Variants in GABRR2 observed in about 807,000 individuals in gnomAD.
GABRR2 encodes gamma-aminobutyric acid type A receptor subunit rho2.
In GABRR2, 36 loss-of-function variants were observed where a neutral mutation model predicts 47.0. That is an observed-to-expected ratio of 0.77 (90% CI 0.59 to 1.01). The LOEUF (loss-of-function observed/expected upper bound fraction) is 1.01, where lower values mean the gene tolerates loss of function less well. GABRR2 is among the 50% of genes least tolerant of loss of function. GABRR2 has a pLI of 0.00. For missense variants in GABRR2, 587 were observed against 594.6 expected (o/e 0.99, Z 0.13); for synonymous variants, 204 against 227.5 (o/e 0.90, Z 0.93).
At chr6:89,284,116 CA>C (rs1158967421) in intron 2 of GABRR2, among the ~76,000 whole-genome samples, 1 of 152,020 alleles carries the variant, frequency 6.6e-6, no homozygotes, top group African/African-American at 2.4e-5. Flanking sequence ...CAAGAGTAAG[CA>C]AAACTAGTCC....
Position 89,311,327 on chromosome 6 carries a change from C to T in GABRR2, c.113+3726G>A, listed in dbSNP as rs142108764. 8.0e-3 allele frequency among the ~76,000 whole-genome samples: 1,224 copies of T among 152,258 alleles called. 20 individuals carry two copies. The highest frequency in any genetic ancestry group is 0.028 in the African/African-American group (1,159 of 41,538). On this transcript the variant is annotated intron_variant, in intron 1 of 8. Coordinates refer to ENST00000402938, the MANE Select transcript of GABRR2 (RefSeq NM_002043.5). ...CCATTTAGGAAAAGGCTTAGGAGAG[C>T]GGAAGTCCCAGAATGCCACCCACCC...
Position 89,256,862 on chromosome 6 carries a change from TGAAAGTTCTG to T in GABRR2, c.*798_*807del, listed in dbSNP as rs1450115745. Among the ~76,000 whole-genome samples, 2 of 152,148 alleles carry T rather than the reference TGAAAGTTCTG, an allele frequency of 1.3e-5. No homozygotes were observed. The highest frequency in any genetic ancestry group is 4.8e-5 in the African/African-American group (2 of 41,418). ...TGTAACTTCACTGGAGGAGGATAGTTGAAAGTTCTGGACCTGGCCTCTCCTGGACCCTGCC... is the reference window on the plus strand; with the variant it reads ...TGTAACTTCACTGGAGGAGGATAGTTGACCTGGCCTCTCCTGGACCCTGCC... On this transcript the variant is annotated 3_prime_UTR_variant, in exon 9 of 9. Transcript: ENST00000402938.
intron 8 of GABRR2, among the ~76,000 whole-genome samples, chr6:89,260,155 C>T (rs770300292): frequency 3.3e-5 from 5 of 152,130 alleles, no homozygotes; most frequent in Non-Finnish European, 5.9e-5. Context: ...GATCCACCTG[C>T]CTTGGCTTCC....
intron 2 of GABRR2, among the ~76,000 whole-genome samples, chr6:89,275,350 T>C (rs1345090260): frequency 6.6e-6 from 1 of 152,190 alleles, no homozygotes; most frequent in Non-Finnish European, 1.5e-5. Flanking sequence ...CTCGGCTCAC[T>C]GCAACCTCTA....
intron 2 of GABRR2, among the ~76,000 whole-genome samples, chr6:89,281,213 C>T (rs971071292): frequency 2.6e-5 from 4 of 152,154 alleles, no homozygotes; most frequent in African/African-American, 4.8e-5. Flanking sequence ...ATGCATAGGC[C>T]GCAGTTCCTT....
intron 2 of GABRR2, among the ~76,000 whole-genome samples, chr6:89,276,956 A>G (rs1471236418): frequency 6.6e-6 from 1 of 152,346 alleles, no homozygotes; most frequent in African/African-American, 2.4e-5. Flanking sequence ...AAACTATGAA[A>G]CATTATTGAG....
At chr6:89,296,743 C>T (rs1002185987) in intron 2 of GABRR2, among the ~76,000 whole-genome samples, 7 of 152,204 alleles carry the variant, frequency 4.6e-5, no homozygotes, top group African/African-American at 1.4e-4. Context: ...GAAGGAGCAG[C>T]GTGATGGGGA....
At chr6:89,310,608 T>C (rs1395661483) in intron 1 of GABRR2, among the ~76,000 whole-genome samples, 1 of 152,162 alleles carries the variant, frequency 6.6e-6, no homozygotes, top group African/African-American at 2.4e-5. Flanking sequence ...TTATATCTGA[T>C]TCCTAACTCA....
chr6:89,264,618 C>A lies in GABRR2; in HGVS notation c.890-10G>T, dbSNP rs2127828313. 6.2e-7 allele frequency: 1 copy of A among 1,613,740 alleles called. No individual in the cohort carries two copies. The highest frequency in any genetic ancestry group is 1.1e-5 in the South Asian group (1 of 91,050). ...AGCACCGTCGTGATACCTGCAACAC[C>A]CGGCCTTAGTTGGGCTGCTGACAGC... On this transcript the variant is annotated splice_polypyrimidine_tract_variant and intron_variant, in intron 7 of 8. Transcript: ENST00000402938.
At chr6:89,270,307 T>A (rs1278740534) in intron 3 of GABRR2, 1 of 152,244 alleles carries the variant, frequency 6.6e-6, no homozygotes, top group Admixed American at 6.5e-5. Context: ...CTACCTTGGA[T>A]GTTACCTACC....
In GABRR2 at chr6:89,268,018, C is replaced by T. The variant is rs764842002; in HGVS notation, c.591G>A (p.Glu197=). ...LDSQTCSLEL[E]SYAYTDEDLM... ...ATTAGGAATGCTGATACTTACAGCT[C>T]TCCAGCTCCAAAGAACAGGTCTGGG... The change falls in exon 5 of 9, where the codon GAG becomes GAA. Residue 197 remains glutamate (E), a synonymous_variant. Coordinates refer to ENST00000402938, the MANE Select transcript of GABRR2 (RefSeq NM_002043.5). The T allele has an allele frequency of 1.2e-6, 2 of 1,610,978 alleles. No individual in the cohort carries two copies. The highest frequency in any genetic ancestry group is 1.7e-6 in the Non-Finnish European group (2 of 1,178,154).
chr6:89,274,939 T>A, intron 2 of GABRR2, among the ~76,000 whole-genome samples: 1 of 152,124 alleles, frequency 6.6e-6, no homozygotes, highest in East Asian at 1.9e-4. Flanking sequence ...GGATTTCTCT[T>A]CTCTGGTGAG....
At chr6:89,288,428 A>T (rs1774370758) in intron 2 of GABRR2, among the ~76,000 whole-genome samples, 1 of 152,070 alleles carries the variant, frequency 6.6e-6, no homozygotes, top group South Asian at 2.1e-4. Flanking sequence ...GGCACCAGAC[A>T]CAAGCATGAA....
At position 89,303,625 on chromosome 6, in the gene GABRR2, T is replaced by C. The variant is rs373704811; in HGVS notation, c.114-3760A>G. Among the ~76,000 whole-genome samples the C allele has an allele frequency of 5.5e-5, 3 of 54,446 alleles. No individual in the cohort carries two copies. The East Asian group carries it at 1.3e-3, about 23-fold the overall frequency. The allele number at this position is 54,446 out of a possible 152,430, so 35.7% of individuals were successfully genotyped here. On this transcript the variant is annotated intron_variant, in intron 1 of 8. Coordinates refer to ENST00000402938, the MANE Select transcript of GABRR2 (RefSeq NM_002043.5). ...TCTGGAATCAAAAAAAGACCCCAAA[T>C]AGCCAAAGCAATCTTAAGGAGGAAA...
chr6:89,269,045 C>A lies in GABRR2; in HGVS notation c.478G>T (p.Val160Leu), dbSNP rs758697296. Residue 160 changes from valine (V) to leucine (L), a missense_variant, in exon 4 of 9, where the codon GTG (valine) becomes TTG (leucine). Coordinates refer to ENST00000402938, the MANE Select transcript of GABRR2 (RefSeq NM_002043.5). ...TACAGCACGTGTCCATCTGGGAACA[C>A]CCTCAGCATGATGTTGTCAGTGGTG... ...DTTTDNIMLR[V>L]FPDGHVLYSM... The A allele has an allele frequency of 6.2e-6, 10 of 1,613,882 alleles. No individual in the cohort carries two copies. The African/African-American group carries it at 1.3e-4, about 22-fold the overall frequency.
chr6:89,267,715 G>A lies in GABRR2; in HGVS notation c.700C>T (p.His234Tyr). 3 of 1,613,884 alleles carry A rather than the reference G, an allele frequency of 1.9e-6. No homozygotes were observed. Among genetic ancestry groups the A allele is most frequent in the Non-Finnish European group, 2.5e-6 (3 of 1,179,848 alleles). ...TAGAAGGCCAGCCTGGAAGTTGTGT[G>A]AAATTTCTGAATCAGAAACTGAGAC... ...SLSQFLIQKF[H>Y]TTSRLAFYSS... is the part of the protein sequence containing the mutation. The change falls in exon 6 of 9, where the codon CAC becomes TAC. Residue 234 changes from histidine to tyrosine, a missense_variant. By Grantham distance (83) the His-to-Tyr change is moderately conservative. Coordinates refer to ENST00000402938, the MANE Select transcript of GABRR2 (RefSeq NM_002043.5).
intron 2 of GABRR2, among the ~76,000 whole-genome samples, chr6:89,288,144 G>A (rs545247508): frequency 6.6e-6 from 1 of 152,262 alleles, no homozygotes; most frequent in East Asian, 1.9e-4. Flanking sequence ...TCAATGAACA[G>A]AATTCAACAG....
chr6:89,258,541 A>T (rs1202423077), intron 8 of GABRR2, among the ~76,000 whole-genome samples: 8 of 69,526 alleles, frequency 1.2e-4, no homozygotes, highest in African/African-American at 4.6e-4. Flanking sequence ...CTCCTTCTCT[A>T]AAAAAAAAAA....
chr6:89,258,057 A>G, intron 8 of GABRR2, 76 bp from the exon 9 acceptor site: 1 of 1,343,648 alleles, frequency 7.4e-7, no homozygotes, highest in Non-Finnish European at 1.0e-6. Flanking sequence ...CCAAGAGCAA[A>G]GCCACATTGC....
Sources: allele counts gnomAD v4.1 joint callset (sites outside exome capture counted in the v4.1 genomes callset), GRCh38; gene constraint gnomAD v4.1.1; transcripts MANE v1.5; gene names NCBI Gene and HGNC (gene_info 2026-07-23, HGNC 2026-07-21).